The following SRD5A2 variants were observed in gnomAD, a reference collection of about 807,000 sequenced individuals.
SRD5A2 encodes the protein 3-oxo-5-alpha-steroid 4-dehydrogenase 2.
In SRD5A2, 30 loss-of-function variants were observed where a neutral mutation model predicts 27.4. The observed-to-expected ratio is 1.10, with a 90% confidence interval of 0.82 to 1.49. The LOEUF is 1.49. Among genes scored for constraint, SRD5A2 ranks in the 40% most tolerant of loss-of-function variants. The pLI is 0.00. For missense variants in SRD5A2, 348 were observed against 323.4 expected, an observed-to-expected ratio of 1.08 and a Z score of -0.58; for synonymous variants, 141 against 133.6, an observed-to-expected ratio of 1.06 and a Z score of -0.38.
At chr2:31,640,291 T>C in the SRD5A2 span, among the ~76,000 whole-genome samples, 3 of 152,296 alleles carry the variant, frequency 2.0e-5, no homozygotes, top group Admixed American at 2.0e-4. Context: ...AAAATTGCTA[T>C]TTTGAACTCT....
At chr2:31,623,383 A>C in the SRD5A2 span, among the ~76,000 whole-genome samples, 1 of 152,156 alleles carries the variant, frequency 6.6e-6, no homozygotes, top group Non-Finnish European at 1.5e-5. Flanking sequence ...AACCACATTT[A>C]CTTAGGAATG....
At chr2:31,559,347 T>C (rs1666567324) in intron 1 of SRD5A2, among the ~76,000 whole-genome samples, 1 of 152,248 alleles carries the variant, frequency 6.6e-6, no homozygotes, top group Non-Finnish European at 1.5e-5. Flanking sequence ...AAGACTTCCC[T>C]GGAAACCACT....
chr2:31,547,990 G>A (rs2148076575), intron 1 of SRD5A2, among the ~76,000 whole-genome samples: 1 of 152,228 alleles, frequency 6.6e-6, no homozygotes, highest in African/African-American at 2.4e-5. Flanking sequence ...ACCATTCAGT[G>A]GAGAAAGAAC....
At chr2:31,637,005 T>G in the SRD5A2 span, among the ~76,000 whole-genome samples, 1 of 152,220 alleles carries the variant, frequency 6.6e-6, no homozygotes, top group African/African-American at 2.4e-5. Context: ...TTGCAAGTAT[T>G]TCCTTCTTTT....
chr2:31,554,549 C>G (rs1021585633), intron 1 of SRD5A2, among the ~76,000 whole-genome samples: 1 of 152,132 alleles, frequency 6.6e-6, no homozygotes, highest in Non-Finnish European at 1.5e-5. Context: ...AATCCTAAAA[C>G]AAATGTGGAA....
At chr2:31,532,305 A>T (rs1353774618) in intron 2 of SRD5A2, among the ~76,000 whole-genome samples, 1 of 151,138 alleles carries the variant, frequency 6.6e-6, no homozygotes, top group Non-Finnish European at 1.5e-5. Flanking sequence ...TCATGAAATA[A>T]CGTGAGCTAG....
chr2:31,629,303 C>A, the SRD5A2 span, among the ~76,000 whole-genome samples: 1 of 152,176 alleles, frequency 6.6e-6, no homozygotes, highest in Non-Finnish European at 1.5e-5. Context: ...GGTCAGAGAA[C>A]AAGAGGCTTG....
the SRD5A2 span, among the ~76,000 whole-genome samples, chr2:31,615,194 G>T: frequency 2.0e-5 from 3 of 152,150 alleles, no homozygotes; most frequent in African/African-American, 7.2e-5. Flanking sequence ...ATGGTAGAGT[G>T]GGGTGCTGCT....
At chr2:31,614,890 G>C in the SRD5A2 span, among the ~76,000 whole-genome samples, 2 of 152,076 alleles carry the variant, frequency 1.3e-5, no homozygotes, top group Non-Finnish European at 2.9e-5. Flanking sequence ...GGACCCACTG[G>C]GAGAAAATTG....
At chr2:31,604,109 C>G in the SRD5A2 span, among the ~76,000 whole-genome samples, 4 of 151,666 alleles carry the variant, frequency 2.6e-5, no homozygotes, top group African/African-American at 9.7e-5. Flanking sequence ...TGCTCAAAAA[C>G]TGGGTATAGA....
chr2:31,603,558 A>AT, the SRD5A2 span, among the ~76,000 whole-genome samples: 1 of 152,044 alleles, frequency 6.6e-6, no homozygotes, highest in African/African-American at 2.4e-5. Context: ...TATCCAAAAG[A>AT]ATATAAATCA....
chr2:31,556,061 T>C (rs997851896), intron 1 of SRD5A2, among the ~76,000 whole-genome samples: 4 of 152,216 alleles, frequency 2.6e-5, no homozygotes, highest in African/African-American at 9.6e-5. Context: ...AAGCCTTTCC[T>C]TGTTGGAGCT....
chr2:31,662,966 T>G, the SRD5A2 span, among the ~76,000 whole-genome samples: 8 of 152,168 alleles, frequency 5.3e-5, no homozygotes, highest in Non-Finnish European at 8.8e-5. Context: ...AAAGTTGGTC[T>G]AATATAAGTT....
the SRD5A2 span, among the ~76,000 whole-genome samples, chr2:31,635,933 T>C: frequency 6.6e-6 from 1 of 152,116 alleles, no homozygotes; most frequent in African/African-American, 2.4e-5. Context: ...GCCAATTCTA[T>C]GATGTTACTG....
chr2:31,569,684 A>G (rs539236237), intron 1 of SRD5A2, among the ~76,000 whole-genome samples: 1 of 151,896 alleles, frequency 6.6e-6, no homozygotes, highest in South Asian at 2.1e-4. Flanking sequence ...AAACAAAAAA[A>G]AAAAAACACA....
chr2:31,590,980 A>T, the SRD5A2 span, among the ~76,000 whole-genome samples: 2 of 152,176 alleles, frequency 1.3e-5, no homozygotes, highest in African/African-American at 4.8e-5. Flanking sequence ...AACCATAAAA[A>T]CCCTGGAAGA....
Position 31,525,074 on chromosome 2 carries a change from A to C in SRD5A2, c.*1122T>G, listed in dbSNP as rs2148059641. The C allele has an allele frequency of 4.6e-6, 1 of 218,280 alleles. No homozygotes were observed. Among genetic ancestry groups the C allele is most frequent in the South Asian group, 1.9e-4 (1 of 5,364 alleles). The allele number at this position is 218,280 out of a possible 1,614,324, so 13.5% of individuals were successfully genotyped here. On this transcript the variant is annotated 3_prime_UTR_variant, in exon 5 of 5. Coordinates refer to ENST00000622030, the MANE Select transcript of SRD5A2 (RefSeq NM_000348.4). ...AAAAAAAAACTATATGTCTGAGCCA[A>C]ACAAAACAGGTTTTCTGCCCAGACG... is the stretch of plus-strand genomic sequence containing the variant.
At chr2:31,588,265 A>C in the SRD5A2 span, among the ~76,000 whole-genome samples, 5 of 152,202 alleles carry the variant, frequency 3.3e-5, no homozygotes, top group Non-Finnish European at 7.3e-5. Flanking sequence ...AAGTACAAGA[A>C]GGTTATAGAA....
intron 1 of SRD5A2, among the ~76,000 whole-genome samples, chr2:31,535,653 T>A (rs112006245): frequency 6.6e-6 from 1 of 152,190 alleles, no homozygotes; most frequent in Non-Finnish European, 1.5e-5. Flanking sequence ...GTCTACTATG[T>A]CGTCTGCAGA....
Sources: allele counts gnomAD v4.1 joint callset (sites outside exome capture counted in the v4.1 genomes callset), GRCh38; gene constraint gnomAD v4.1.1; transcripts MANE v1.5; gene names NCBI Gene and HGNC (gene_info 2026-07-23, HGNC 2026-07-21).